The following MBD5 variants were observed in gnomAD, a reference collection of about 807,000 sequenced individuals.
The protein encoded by MBD5 is methyl-CpG binding domain protein 5, also known as methyl-CpG-binding domain protein 5.
MBD5 carries 13 observed loss-of-function variants against 117.3 expected under a neutral mutation model. The observed-to-expected ratio is 0.11, with a 90% CI of 0.07 to 0.18. The LOEUF (loss-of-function observed/expected upper bound fraction) is 0.18, where lower values mean the gene tolerates loss of function less well. MBD5 is among the 10% of genes least tolerant of loss of function. The pLI, the probability that MBD5 is intolerant of heterozygous loss-of-function variation, is 1.00. For missense variants in MBD5, 1,879 were observed against 2,093.8 expected, an observed-to-expected ratio of 0.90 and a Z score of 2.00; for synonymous variants, 727 against 766.4, an observed-to-expected ratio of 0.95 and a Z score of 0.85.
intron 1 of MBD5, among the ~76,000 whole-genome samples, chr2:148,072,856 A>G (rs569523495): frequency 6.6e-6 from 1 of 152,308 alleles, no homozygotes; most frequent in African/African-American, 2.4e-5. Context: ...AATCTTTCCA[A>G]TAAGCTTTCT....
intron 2 of MBD5, among the ~76,000 whole-genome samples, chr2:148,197,800 T>TTTTTTTTTG (rs1553483817): frequency 1.5e-5 from 2 of 132,946 alleles, no homozygotes; most frequent in Non-Finnish European, 3.2e-5. Context: ...TGAGGTTTTT[T>TTTTTTTTTG]TTTTTGTTTT....
intron 1 of MBD5, among the ~76,000 whole-genome samples, chr2:148,102,761 G>A (rs1696263770): frequency 3.3e-5 from 4 of 122,226 alleles, no homozygotes; most frequent in African/African-American, 9.1e-5. Context: ...GAGAGAGAGA[G>A]GAAGAGAGAG....
chr2:148,365,252 C>G (rs902175376), intron 4 of MBD5, among the ~76,000 whole-genome samples: 5 of 152,070 alleles, frequency 3.3e-5, no homozygotes, highest in African/African-American at 9.7e-5. Flanking sequence ...GGGTTAATAA[C>G]AAAATTAACA....
chr2:148,357,940 C>A (rs1703428649), intron 4 of MBD5, among the ~76,000 whole-genome samples: 1 of 152,100 alleles, frequency 6.6e-6, no homozygotes, highest in South Asian at 2.1e-4. Flanking sequence ...CATCTCAGAG[C>A]CCCTGAACCT....
chr2:148,482,011 C>A (rs1413003031), intron 8 of MBD5, among the ~76,000 whole-genome samples: 1 of 152,054 alleles, frequency 6.6e-6, no homozygotes, highest in East Asian at 1.9e-4. Flanking sequence ...TTTACGCAAT[C>A]AGAATGGTAA....
At chr2:148,210,379 A>G (rs1294696007) in intron 2 of MBD5, among the ~76,000 whole-genome samples, 1 of 152,060 alleles carries the variant, frequency 6.6e-6, no homozygotes, top group African/African-American at 2.4e-5. Context: ...AACATACCTC[A>G]TTTATTATAT....
chr2:148,370,663 A>G (rs1703827014), intron 4 of MBD5, among the ~76,000 whole-genome samples: 1 of 151,906 alleles, frequency 6.6e-6, no homozygotes, highest in African/African-American at 2.4e-5. Context: ...TAATGTATGT[A>G]TTTTTAGTAG....
intron 1 of MBD5, among the ~76,000 whole-genome samples, chr2:148,172,679 G>A (rs779989308): frequency 6.6e-6 from 1 of 152,142 alleles, no homozygotes; most frequent in African/African-American, 2.4e-5. Context: ...GGTGGAGTCT[G>A]CCAGTCAGAG....
At chr2:148,385,583 C>T (rs1704325961) in intron 4 of MBD5, among the ~76,000 whole-genome samples, 1 of 152,008 alleles carries the variant, frequency 6.6e-6, no homozygotes, top group South Asian at 2.1e-4. Context: ...CTAGAAATAC[C>T]ATTTGACCCA....
At chr2:148,021,743 C>A in intron 1 of MBD5, 59 bp downstream of exon 1, 1 of 290,428 alleles carries the variant, frequency 3.4e-6, no homozygotes. Context: ...CACTCCGGGG[C>A]AACAGTAGCA....
At chr2:148,410,268 A>AT (rs774837329) in intron 4 of MBD5, among the ~76,000 whole-genome samples, 11 of 152,016 alleles carry the variant, frequency 7.2e-5, no homozygotes, top group Admixed American at 2.0e-4. Context: ...TTATTAGTGT[A>AT]TTTTGCATTT....
intron 4 of MBD5, among the ~76,000 whole-genome samples, chr2:148,414,919 G>T (rs1411935036): frequency 6.6e-6 from 1 of 152,078 alleles, no homozygotes; most frequent in African/African-American, 2.4e-5. Context: ...TATTCAACTT[G>T]CTGCTCTGTG....
chr2:148,442,836 T>C (rs564119606), intron 4 of MBD5, among the ~76,000 whole-genome samples: 2 of 150,934 alleles, frequency 1.3e-5, no homozygotes, highest in African/African-American at 4.9e-5. Flanking sequence ...GACATTGGAG[T>C]GGGCAAAAAT....
intron 3 of MBD5, among the ~76,000 whole-genome samples, chr2:148,246,983 CA>C (rs929822486): frequency 3.3e-5 from 5 of 152,068 alleles, no homozygotes; most frequent in Non-Finnish European, 7.4e-5. Flanking sequence ...AAACCAAAGA[CA>C]AATGTTTACC....
chr2:148,416,540 A>C (rs1293080000), intron 4 of MBD5, among the ~76,000 whole-genome samples: 2 of 152,232 alleles, frequency 1.3e-5, no homozygotes, highest in African/African-American at 4.8e-5. Context: ...GTGTTTGCAC[A>C]GGTAGTGTAA....
At chr2:148,257,849 C>T (rs1272504341) in intron 3 of MBD5, among the ~76,000 whole-genome samples, 4 of 152,194 alleles carry the variant, frequency 2.6e-5, no homozygotes, top group African/African-American at 9.6e-5. Flanking sequence ...TCTAAGTCCA[C>T]TACGTAGTGG....
intron 2 of MBD5, among the ~76,000 whole-genome samples, chr2:148,218,835 A>G (rs1699617302): frequency 6.6e-6 from 1 of 152,210 alleles, no homozygotes; most frequent in Non-Finnish European, 1.5e-5. Flanking sequence ...TGGAGCTTGG[A>G]GGACTGGAAG....
intron 4 of MBD5, among the ~76,000 whole-genome samples, chr2:148,425,302 C>T (rs1705743590): frequency 6.6e-6 from 1 of 152,128 alleles, no homozygotes; most frequent in Non-Finnish European, 1.5e-5. Context: ...TGAATAAATT[C>T]CTGGACACAT....
chr2:148,483,894 C>T lies in MBD5; in HGVS notation c.3303C>T (p.Thr1101=), dbSNP rs894553278. Residue 1101 remains threonine (T), a synonymous_variant, in exon 9 of 14, where the codon ACC becomes ACT. Transcript: ENST00000642680. ...TCCTGAACTCGGCATCGGCCAACAC[C>T]GCTAATCATCCAGAGGTTTCCATAG... is the stretch of plus-strand genomic sequence containing the variant. The part of the protein sequence containing the change: ...GGVLNSASAN[T]ANHPEVSIAT... The T allele has an allele frequency of 3.9e-6, 6 of 1,550,544 alleles. No individual in the cohort carries two copies. In the African/African-American group the frequency reaches 4.1e-5, roughly 11 times the overall value.
Sources: allele counts gnomAD v4.1 joint callset (sites outside exome capture counted in the v4.1 genomes callset), GRCh38; gene constraint gnomAD v4.1.1; transcripts MANE v1.5; gene names NCBI Gene and HGNC (gene_info 2026-07-23, HGNC 2026-07-21).